Variants in GPAT3 observed in about 807,000 individuals in gnomAD.
GPAT3 encodes 1-AGP acyltransferase 9.
In GPAT3, 53 loss-of-function variants were observed where a neutral mutation model predicts 58.8. The ratio of observed to expected loss-of-function variants is 0.90; its 90% CI spans 0.72 to 1.13. The LOEUF (loss-of-function observed/expected upper bound fraction) is 1.13, where lower values mean the gene tolerates loss of function less well. Among genes scored for constraint, GPAT3 ranks in the 50% most tolerant of loss-of-function variants. The pLI, the probability that GPAT3 is intolerant of heterozygous loss-of-function variation, is 0.00. For missense variants in GPAT3, 511 were observed against 527.6 expected, an observed-to-expected ratio of 0.97 and a Z score of 0.31; for synonymous variants, 197 against 187.4, an observed-to-expected ratio of 1.05 and a Z score of -0.42.
At chr4:83,556,472 T>A (rs1256831577) in intron 2 of GPAT3, among the ~76,000 whole-genome samples, 1 of 150,530 alleles carries the variant, frequency 6.6e-6, no homozygotes, top group Non-Finnish European at 1.5e-5. Context: ...CACTCCAGCC[T>A]GGGTGACACA....
At chr4:83,580,907 T>C (rs980452587) in intron 2 of GPAT3, among the ~76,000 whole-genome samples, 1 of 151,916 alleles carries the variant, frequency 6.6e-6, no homozygotes, top group Admixed American at 6.6e-5. Flanking sequence ...CCATCCTGGC[T>C]AACATGGTGA....
chr4:83,536,867 C>A, intron 1 of GPAT3, 104 bp downstream of exon 1: 1 of 1,071,336 alleles, frequency 9.3e-7, no homozygotes, highest in East Asian at 2.4e-5. Context: ...TGTGTGTGCG[C>A]GCGTGTGCAT....
chr4:83,591,516 A>C (rs138377682), intron 6 of GPAT3, among the ~76,000 whole-genome samples: 6 of 152,314 alleles, frequency 3.9e-5, no homozygotes, highest in African/African-American at 1.4e-4. Flanking sequence ...ATTAGTTGAT[A>C]GTTATGTACC....
chr4:83,601,335 T>C (rs1727045433), intron 11 of GPAT3, among the ~76,000 whole-genome samples: 1 of 152,250 alleles, frequency 6.6e-6, no homozygotes, highest in Admixed American at 6.5e-5. Context: ...GGAATAACAC[T>C]AAAATATTTA....
rs11942371 is a variant in GPAT3 at position 83,591,060 on chromosome 4, G to A, written c.738+768G>A. On this transcript the variant is annotated intron_variant, in intron 6 of 11. Transcript: ENST00000264409. ...ATAGAATGCCTGGACAAGGGTCCTA[G>A]GGGATCGCCTTTTCAAATTTTCATG... Among the ~76,000 whole-genome samples, 1,063 of 152,194 alleles carry A rather than the reference G, an allele frequency of 7.0e-3. 12 individuals are homozygous for A. The highest frequency in any genetic ancestry group is 0.024 in the African/African-American group (1,013 of 41,530).
At chr4:83,559,323 ATT>A (rs531026807) in intron 2 of GPAT3, among the ~76,000 whole-genome samples, 1 of 149,950 alleles carries the variant, frequency 6.7e-6, no homozygotes, top group African/African-American at 2.4e-5. Context: ...AGCAGGAAAG[ATT>A]TTTTTTTTGT....
intron 4 of GPAT3, among the ~76,000 whole-genome samples, 188 bp downstream of exon 4, chr4:83,587,517 C>T (rs1311945352): frequency 6.6e-6 from 1 of 152,168 alleles, no homozygotes; most frequent in Non-Finnish European, 1.5e-5. Context: ...ACCTCCGCCT[C>T]CTGGGTTCAA....
In GPAT3 at chr4:83,594,850, C is replaced by G. The variant is rs9995771; in HGVS notation, c.744C>G (p.Gly248=). The G allele has an allele frequency of 3.7e-4, 605 of 1,613,548 alleles. 1 individual carries two copies. In the African/African-American group the frequency reaches 7.2e-3, roughly 19 times the overall value. The change falls in exon 7 of 12, where the codon GGC becomes GGG. Residue 248 remains glycine, a synonymous_variant. Transcript: ENST00000264409. ...TTTTCTTATGCTACTTCTAGGTTGG[C>G]CAGGTTCATGGCGGCTTGATGGGAA... ...LTTDGCYAMV[G]QVHGGLMGII...
rs372489306 is a variant in GPAT3 at position 83,558,956 on chromosome 4, A to G, written c.208+14354A>G. On this transcript the variant is annotated intron_variant, in intron 2 of 11. Coordinates refer to ENST00000264409, the MANE Select transcript of GPAT3 (RefSeq NM_032717.5). ...AGTTGGAAAGAGGAAGCAAACCCAC[A>G]TTTTCTCAAATTCTTAAGAGATGGA... 3.3e-5 allele frequency among the ~76,000 whole-genome samples: 5 copies of G among 152,200 alleles called. No individual in the cohort carries two copies. In the East Asian group the frequency reaches 7.7e-4, roughly 23 times the overall value.
At chr4:83,574,850 C>A (rs1578182533) in intron 2 of GPAT3, among the ~76,000 whole-genome samples, 1 of 145,094 alleles carries the variant, frequency 6.9e-6, no homozygotes, top group Non-Finnish European at 1.5e-5. Context: ...TTTTGGTCTA[C>A]TCCCGAACAT....
chr4:83,598,543 A>T (rs866279704), intron 10 of GPAT3, 101 bp from the exon 11 acceptor site: 1 of 1,029,574 alleles, frequency 9.7e-7, no homozygotes, highest in African/African-American at 1.6e-5. Context: ...TTGAGCTGAA[A>T]TATGAATCTT....
intron 10 of GPAT3, 155 bp from the exon 11 acceptor site, chr4:83,598,489 A>G: frequency 1.3e-6 from 1 of 790,788 alleles, no homozygotes; most frequent in Non-Finnish European, 2.1e-6. Flanking sequence ...TTTTCTTTAT[A>G]GAACAAATGA....
chr4:83,578,888 T>G (rs1725918357), intron 2 of GPAT3, among the ~76,000 whole-genome samples: 1 of 132,372 alleles, frequency 7.6e-6, no homozygotes, highest in Admixed American at 7.6e-5. Context: ...CTCCCTTCCC[T>G]CCCTCCCTCT....
chr4:83,555,053 C>G (rs1375899091), intron 2 of GPAT3, among the ~76,000 whole-genome samples: 1 of 152,154 alleles, frequency 6.6e-6, no homozygotes, highest in Non-Finnish European at 1.5e-5. Flanking sequence ...ATCCACCTGC[C>G]TTGGCCTCCC....
intron 2 of GPAT3, among the ~76,000 whole-genome samples, chr4:83,545,246 G>A (rs1479804711): frequency 6.6e-6 from 1 of 152,106 alleles, no homozygotes; most frequent in Admixed American, 6.5e-5. Flanking sequence ...TTCAAGACCA[G>A]CCTGGGCAAC....
Position 83,536,190 on chromosome 4 carries a change from G to C in GPAT3, c.-433G>C. On this transcript the variant is annotated 5_prime_UTR_variant, in exon 1 of 12. Coordinates refer to ENST00000264409, the MANE Select transcript of GPAT3 (RefSeq NM_032717.5). ...GTGCGGTGCTCCCGCAGGGAACCTGGCTCGGGGAGGGCCTCCGTGAGTCAT... is the reference window on the plus strand; with the variant it reads ...GTGCGGTGCTCCCGCAGGGAACCTGCCTCGGGGAGGGCCTCCGTGAGTCAT... 1 of 987,032 alleles carries C rather than the reference G, an allele frequency of 1.0e-6. No individual in the cohort carries two copies. The highest frequency in any genetic ancestry group is 1.2e-6 in the Non-Finnish European group (1 of 831,046). 61.1% of individuals were successfully genotyped at this position (987,032 alleles called of 1,614,324 possible). A position where few individuals can be genotyped will look rare whatever the true frequency, so the allele number is the denominator to read the frequency against.
At chr4:83,571,068 T>C (rs1725588397) in intron 2 of GPAT3, among the ~76,000 whole-genome samples, 1 of 152,250 alleles carries the variant, frequency 6.6e-6, no homozygotes, top group South Asian at 2.1e-4. Flanking sequence ...TCATACATTA[T>C]ATATTCTTTG....
intron 2 of GPAT3, among the ~76,000 whole-genome samples, chr4:83,554,654 T>C (rs1043995865): frequency 6.6e-6 from 1 of 152,170 alleles, no homozygotes; most frequent in African/African-American, 2.4e-5. Context: ...CCAGTTTGTC[T>C]GTTCTACTCA....
chr4:83,563,374 T>C (rs1443287341), intron 2 of GPAT3, among the ~76,000 whole-genome samples: 1 of 152,166 alleles, frequency 6.6e-6, no homozygotes, highest in Non-Finnish European at 1.5e-5. Context: ...ACTACCTCTA[T>C]CCCAAGTTAG....
Sources: allele counts gnomAD v4.1 joint callset (sites outside exome capture counted in the v4.1 genomes callset), GRCh38; gene constraint gnomAD v4.1.1; transcripts MANE v1.5; gene names NCBI Gene and HGNC (gene_info 2026-07-23, HGNC 2026-07-21).